ITFG2: variants seen among roughly 807,000 people sequenced by gnomAD.
ITFG2 encodes integrin alpha FG-GAP repeat containing 2.
In ITFG2, 36 loss-of-function variants were observed where a neutral mutation model predicts 54.4. That is an observed-to-expected ratio of 0.66 (90% CI 0.51 to 0.87). The LOEUF (loss-of-function observed/expected upper bound fraction) is 0.87. ITFG2 is among the 40% of genes least tolerant of loss of function. The pLI is 0.00. For synonymous variants in ITFG2, 211 were observed against 225.4 expected, an observed-to-expected ratio of 0.94 and a Z score of 0.57; for missense variants, 524 against 576.7, an observed-to-expected ratio of 0.91 and a Z score of 0.94.
downstream of ITFG2, among the ~76,000 whole-genome samples, chr12:2,828,938 G>A (rs1298640525): frequency 3.9e-5 from 6 of 152,116 alleles, no homozygotes; most frequent in Non-Finnish European, 5.9e-5. Flanking sequence ...CAGGTGCGGT[G>A]GCTCATGCTT....
chr12:2,838,017 T>C (rs2098032677), intron 1 of ITFG2, among the ~76,000 whole-genome samples: 1 of 152,160 alleles, frequency 6.6e-6, no homozygotes, highest in South Asian at 2.1e-4. Context: ...TCTCAAGATT[T>C]GCCCCACCCA....
At position 2,822,806 on chromosome 12, in the gene ITFG2, G is replaced by T; in HGVS notation, c.961G>T (p.Glu321Ter). The part of the protein sequence containing the change: ...EKLDVTGNGH[E>*]EVVACAWDGQ... ...TGTCCTTTTTCAGGGCAACGGGCATGAGGAGGTAGTTGCATGCGCCTGGGA... is the reference window on the plus strand; with the variant it reads ...TGTCCTTTTTCAGGGCAACGGGCATTAGGAGGTAGTTGCATGCGCCTGGGA... Residue 321 changes from glutamate to a stop codon, truncating the protein, a stop_gained, in exon 10 of 12, where the codon GAG becomes TAG. Coordinates refer to ENST00000228799, the MANE Select transcript of ITFG2 (RefSeq NM_018463.4). LOFTEE classifies it high-confidence loss of function. 6.2e-7 allele frequency: 1 copy of T among 1,614,038 alleles called. No homozygotes were observed. The highest frequency in any genetic ancestry group is 8.5e-7 in the Non-Finnish European group (1 of 1,179,888).
intron 1 of ITFG2, among the ~76,000 whole-genome samples, chr12:2,837,466 A>T (rs1344892491): frequency 6.6e-6 from 1 of 151,138 alleles, no homozygotes; most frequent in African/African-American, 2.4e-5. Flanking sequence ...CGACAGAGAG[A>T]GACTCCGTCT....
chr12:2,834,611 G>A (rs974058614), upstream of ITFG2: 4 of 1,542,544 alleles, frequency 2.6e-6, no homozygotes, highest in Admixed American at 8.3e-5. Flanking sequence ...AAAGGCCAGG[G>A]GACGCTGGCA....
intron 2 of ITFG2, among the ~76,000 whole-genome samples, chr12:2,846,760 G>A (rs919725666): frequency 1.3e-5 from 2 of 151,438 alleles, no homozygotes; most frequent in African/African-American, 2.4e-5. Flanking sequence ...CACACACCCC[G>A]TCACACATAG....
intron 2 of ITFG2, 86 bp downstream of exon 2, chr12:2,817,404 C>G: frequency 1.1e-6 from 1 of 898,854 alleles, no homozygotes. Flanking sequence ...CACAGGTGCT[C>G]ACCCATGTGT....
chr12:2,820,537 C>T (rs547571533), intron 5 of ITFG2, among the ~76,000 whole-genome samples, 187 bp from the exon 6 acceptor site: 1 of 151,986 alleles, frequency 6.6e-6, no homozygotes, highest in South Asian at 2.1e-4. Flanking sequence ...GAGGACGGTG[C>T]CAGGCAGGAG....
intron 1 of ITFG2, among the ~76,000 whole-genome samples, chr12:2,838,917 C>G (rs1455446270): frequency 6.6e-6 from 1 of 152,000 alleles, no homozygotes; most frequent in Non-Finnish European, 1.5e-5. Flanking sequence ...TGTTGTGAGG[C>G]TAGGCGAGCG....
intron 2 of ITFG2, among the ~76,000 whole-genome samples, chr12:2,847,864 C>G (rs1440019884): frequency 1.3e-5 from 2 of 152,130 alleles, no homozygotes; most frequent in African/African-American, 4.8e-5. Context: ...AAGTTTCATC[C>G]ACACTGTAGC....
chr12:2,813,427 C>G (rs996498110), intron 1 of ITFG2, among the ~76,000 whole-genome samples: 1 of 152,186 alleles, frequency 6.6e-6, no homozygotes, highest in Admixed American at 6.5e-5. Context: ...CTTTACTGAA[C>G]TGCTCATTAT....
At chr12:2,823,715 C>T (rs2097953993) in intron 10 of ITFG2, 55 bp from the exon 11 acceptor site, 2 of 1,504,368 alleles carry the variant, frequency 1.3e-6, no homozygotes, top group Non-Finnish European at 1.8e-6. Context: ...CTGTCTGCCC[C>T]CCACTGTCGG....
rs768658813 is a variant in ITFG2 at position 2,824,265 on chromosome 12, T to G, written c.*72T>G. 6.9e-7 allele frequency: 1 copy of G among 1,453,996 alleles called. No individual in the cohort carries two copies. Among genetic ancestry groups the G allele is most frequent in the South Asian group, 1.1e-5 (1 of 87,486 alleles). 90.1% of individuals were successfully genotyped at this position (1,453,996 alleles called of 1,614,324 possible). ...CTACCCCCTAAAGGTATCTGTGGTA[T>G]TGGCAGGATAGGGAATATGCATTAC... On this transcript the variant is annotated 3_prime_UTR_variant, in exon 12 of 12. Transcript: ENST00000228799.
chr12:2,835,857 G>A (rs551028300), upstream of ITFG2, among the ~76,000 whole-genome samples: 2 of 152,294 alleles, frequency 1.3e-5, no homozygotes, highest in Admixed American at 1.3e-4. Context: ...TAAGCAATAT[G>A]TCGTTGGTTT....
chr12:2,842,346 C>G (rs1378956863), intron 2 of ITFG2, among the ~76,000 whole-genome samples: 1 of 151,394 alleles, frequency 6.6e-6, no homozygotes, highest in Non-Finnish European at 1.5e-5. Flanking sequence ...TGGTCTTGAT[C>G]TCCTGATCTC....
chr12:2,856,815 A>G (rs2098088818), intron 2 of ITFG2: 1 of 635,914 alleles, frequency 1.6e-6, no homozygotes, highest in African/African-American at 1.8e-5. Flanking sequence ...CTAGTGTCAT[A>G]GGATGAAAAG....
chr12:2,855,221 C>T (rs1055609468), intron 2 of ITFG2: 423 of 1,505,764 alleles, frequency 2.8e-4, no homozygotes, highest in Non-Finnish European at 3.6e-4. Flanking sequence ...CGGCACACAT[C>T]GAGCCACGTG....
At chr12:2,833,013 C>G (rs1199848917), upstream of ITFG2, among the ~76,000 whole-genome samples, 1 of 151,926 alleles carries the variant, frequency 6.6e-6, no homozygotes, top group Non-Finnish European at 1.5e-5. Context: ...CTTCAGGCCC[C>G]TCCCGCTGTT....
chr12:2,834,801 C>G (rs745463619), upstream of ITFG2: 1 of 1,613,570 alleles, frequency 6.2e-7, no homozygotes. Flanking sequence ...TGGCTTCTCC[C>G]TCATCTCTCC....
At chr12:2,850,844 A>G (rs545642283) in intron 2 of ITFG2, among the ~76,000 whole-genome samples, 74 of 150,874 alleles carry the variant, frequency 4.9e-4, no homozygotes, top group African/African-American at 1.6e-3. Flanking sequence ...CTAATTTTTT[A>G]TATTTTTAGT....
Sources: allele counts gnomAD v4.1 joint callset (sites outside exome capture counted in the v4.1 genomes callset), GRCh38; gene constraint gnomAD v4.1.1; transcripts MANE v1.5; gene names NCBI Gene and HGNC (gene_info 2026-07-23, HGNC 2026-07-21).